PRH1: variants seen among roughly 807,000 people sequenced by gnomAD.
PRH1 encodes the protein salivary acidic proline-rich phosphoprotein 1/2.
In PRH1, 7 loss-of-function variants were observed where a neutral mutation model predicts 7.9. That is an observed-to-expected ratio of 0.89 (90% CI 0.50 to 1.67). PRH1 has a LOEUF of 1.67. Ranked by LOEUF, PRH1 falls within the 40% of genes most tolerant of loss-of-function variation. PRH1 has a pLI of 0.00. For synonymous variants in PRH1, 45 were observed against 80.8 expected (o/e 0.56, Z 2.38); for missense variants, 109 against 223.6 (o/e 0.49, Z 3.27).
At chr12:11,112,911 A>G (rs1434901183) in intron 1 of PRH1, among the ~76,000 whole-genome samples, 2 of 152,204 alleles carry the variant, frequency 1.3e-5, no homozygotes, top group Non-Finnish European at 2.9e-5. Flanking sequence ...CCATCATCTC[A>G]GCCCCAAATC....
intron 2 of PRH1, among the ~76,000 whole-genome samples, chr12:10,955,901 A>C (rs1009594276): frequency 4.6e-5 from 7 of 152,136 alleles, no homozygotes; most frequent in Non-Finnish European, 1.0e-4. Flanking sequence ...CCCTGAGCAA[A>C]CCAATAACAA....
rs1391801287 is a variant in PRH1, at chr12:10,882,689, T to C, written c.110A>G (p.Asp37Gly). 6.4e-7 allele frequency: 1 copy of C among 1,571,802 alleles called. No individual in the cohort carries two copies. The highest frequency in any genetic ancestry group is 8.6e-7 in the Non-Finnish European group (1 of 1,161,716). The change falls in exon 3 of 4, where the codon GAC becomes GGC. Residue 37 changes from aspartate to glycine, a missense_variant. Asp to Gly is a moderately conservative substitution (Grantham distance 94, BLOSUM62 -1). Transcript: ENST00000543626. ...CTCCTCATCTAGGAACTGCTCAGAG[T>C]CTCCTCCATCTGTGTGAGTTGAAAC... ...DVPLVISDGG[D>G]SEQFLDEERQ... is the part of the protein sequence containing the mutation.
chr12:11,128,624 T>C (rs750121130), intron 1 of PRH1, among the ~76,000 whole-genome samples: 20 of 149,580 alleles, frequency 1.3e-4, no homozygotes, highest in South Asian at 1.3e-3. Context: ...CACGCACCTA[T>C]AATCCGAGCC....
At chr12:11,162,174 GA>G (rs1219383750) in intron 1 of PRH1, among the ~76,000 whole-genome samples, 1 of 152,156 alleles carries the variant, frequency 6.6e-6, no homozygotes, top group Non-Finnish European at 1.5e-5. Flanking sequence ...AGGATCCTCA[GA>G]AAATGATGGA....
At chr12:11,130,454 C>A (rs748785877) in intron 1 of PRH1, among the ~76,000 whole-genome samples, 1 of 152,116 alleles carries the variant, frequency 6.6e-6, no homozygotes, top group African/African-American at 2.4e-5. Context: ...CAACATATTC[C>A]ACATTTGAGA....
At chr12:11,123,825 A>G (rs1301319379) in intron 1 of PRH1, among the ~76,000 whole-genome samples, 1 of 152,168 alleles carries the variant, frequency 6.6e-6, no homozygotes, top group Admixed American at 6.6e-5. Flanking sequence ...CTCAATATTG[A>G]TAATTCATTT....
intron 1 of PRH1, chr12:10,985,887 T>C (rs1939590381): frequency 7.1e-7 from 1 of 1,417,594 alleles, no homozygotes; most frequent in Non-Finnish European, 9.6e-7. Context: ...ACACTATCAG[T>C]TTGTTTTCTC....
intron 1 of PRH1, chr12:10,997,434 G>T (rs12226919): frequency 0.36 from 575,662 of 1,613,336 alleles, 113,912 homozygotes; most frequent in East Asian, 0.75. Flanking sequence ...ATATACGTGT[G>T]TTTCATCACA....
At chr12:11,163,427 T>C (rs1947475944) in intron 1 of PRH1, among the ~76,000 whole-genome samples, 1 of 152,016 alleles carries the variant, frequency 6.6e-6, no homozygotes, top group East Asian at 1.9e-4. Context: ...TTGTTTCAAA[T>C]GATCCTACAA....
chr12:11,009,664 A>G (rs1365909774), intron 1 of PRH1, among the ~76,000 whole-genome samples: 1 of 151,916 alleles, frequency 6.6e-6, no homozygotes, highest in African/African-American at 2.4e-5. Flanking sequence ...TGGTCTAGCC[A>G]TGTTCCTGCA....
chr12:11,022,931 T>C (rs538860957), intron 1 of PRH1, among the ~76,000 whole-genome samples: 58 of 152,340 alleles, frequency 3.8e-4, no homozygotes, highest in Non-Finnish European at 5.7e-4. Context: ...TGCAATTTTT[T>C]TCCTTGTTTA....
intron 1 of PRH1, chr12:11,091,143 T>TATATATATATATA (rs1565644368): frequency 8.0e-4 from 49 of 61,208 alleles, no homozygotes; most frequent in East Asian, 2.6e-3. Flanking sequence ...TATATATATA[T>TATATATATATATA]TTTCTAGACT....
chr12:11,021,592 A>T (rs1941631158), intron 1 of PRH1: 1 of 1,116,740 alleles, frequency 9.0e-7, no homozygotes, highest in African/African-American at 1.6e-5. Context: ...TGTTCCAGAC[A>T]CCATCAGTTT....
rs944410123 is a variant in PRH1, at chr12:11,088,576, C to G, written n.124-41388G>C. 9.9e-5 allele frequency among the ~76,000 whole-genome samples: 11 copies of G among 111,610 alleles called. 1 individual carries two copies. The highest frequency in any genetic ancestry group is 3.3e-4 in the African/African-American group (11 of 32,896). The allele number at this position is 111,610 out of a possible 152,430, so 73.2% of individuals were successfully genotyped here. A position where few individuals can be genotyped will look rare whatever the true frequency, so the allele number is the denominator to read the frequency against. ...TACAGTATATGGCATGTTGCTCTCT[C>G]TATAAATTTCCTATCACTACAAAAG... On this transcript the variant is annotated intron_variant and non_coding_transcript_variant, in intron 1 of 4. Coordinates refer to the PRH1 transcript ENST00000541977.
At chr12:10,975,750 G>GAA (rs71051551) in intron 1 of PRH1, among the ~76,000 whole-genome samples, 61,678 of 144,782 alleles carry the variant, frequency 0.43, 13,668 homozygotes, top group Non-Finnish European at 0.5. Context: ...ATAAAAAATA[G>GAA]AAAAAAAAAA....
intron 2 of PRH1, among the ~76,000 whole-genome samples, chr12:10,894,092 C>T (rs1341245285): frequency 6.6e-6 from 1 of 152,002 alleles, no homozygotes; most frequent in Non-Finnish European, 1.5e-5. Flanking sequence ...GTATTTGTTA[C>T]TATCGTCTTG....
chr12:11,064,113 C>A (rs922710088), intron 1 of PRH1, among the ~76,000 whole-genome samples: 3 of 152,072 alleles, frequency 2.0e-5, no homozygotes, highest in Non-Finnish European at 2.9e-5. Context: ...TGCCACTTTC[C>A]AAGTCCCTAA....
intron 1 of PRH1, among the ~76,000 whole-genome samples, chr12:11,025,254 T>C (rs1941850318): frequency 6.6e-6 from 1 of 152,160 alleles, no homozygotes; most frequent in Non-Finnish European, 1.5e-5. Flanking sequence ...TAATTTGTAA[T>C]GCTCCTTGCG....
At chr12:10,894,096 C>T (rs1266179112) in intron 2 of PRH1, among the ~76,000 whole-genome samples, 1 of 151,996 alleles carries the variant, frequency 6.6e-6, no homozygotes, top group Non-Finnish European at 1.5e-5. Flanking sequence ...TTGTTACTAT[C>T]GTCTTGGTCT....
Sources: gnomAD v4.1 joint callset for allele counts (sites outside exome capture counted in the v4.1 genomes callset) on GRCh38, gnomAD v4.1.1 for gene constraint, MANE v1.5 for transcripts, NCBI Gene and HGNC (gene_info 2026-07-23, HGNC 2026-07-21) for gene names.